KMT2D: variants seen among roughly 807,000 people sequenced by gnomAD.
KMT2D encodes histone-lysine N-methyltransferase 2D.
In KMT2D, 55 loss-of-function variants were observed where a neutral mutation model predicts 512.7. That is an observed-to-expected ratio of 0.11 (90% CI 0.09 to 0.13). KMT2D has a LOEUF of 0.13. Ranked by LOEUF, KMT2D falls within the 10% of genes least tolerant of loss-of-function variation. The pLI, the probability that KMT2D is intolerant of heterozygous loss-of-function variation, is 1.00. For synonymous variants in KMT2D, 2,995 were observed against 2,904.0 expected (o/e 1.03, Z -1.01); for missense variants, 6,061 against 7,127.9 (o/e 0.85, Z 5.39).
At chr12:49,021,993 T>G (rs935029690) in intron 54 of KMT2D, 50 bp downstream of exon 54, 1 of 1,572,784 alleles carries the variant, frequency 6.4e-7, no homozygotes, top group Non-Finnish European at 8.8e-7. Flanking sequence ...AGAGAAGGGG[T>G]GAAAGGAGGA....
At position 49,050,292 on chromosome 12, in the gene KMT2D, C is replaced by A. The variant is rs755992385; in HGVS notation, c.3296G>T (p.Gly1099Val). Reference sequence around the variant, plus strand: ...GCTGGGGGCGGGGCAGGAAAGGTCCCCCATTGGGGAAGGGAGAGGACTGGT... The same window carrying A: ...GCTGGGGGCGGGGCAGGAAAGGTCCACCATTGGGGAAGGGAGAGGACTGGT... ...SATSPLPSPM[G>V]DLSCPAPSPA... is the part of the protein sequence containing the mutation. The change falls in exon 12 of 55, where the codon GGG becomes GTG. Residue 1099 changes from glycine to valine, a missense_variant. Gly to Val is a moderately radical substitution (Grantham distance 109). Coordinates refer to ENST00000301067, the MANE Select transcript of KMT2D (RefSeq NM_003482.4). 4 of 1,611,420 alleles carry A rather than the reference C, an allele frequency of 2.5e-6. No homozygotes were observed. The highest frequency in any genetic ancestry group is 2.5e-6 in the Non-Finnish European group (3 of 1,178,764).
At chr12:49,030,248 T>G in intron 43 of KMT2D, 32 bp downstream of exon 43, 1 of 1,570,138 alleles carries the variant, frequency 6.4e-7, no homozygotes, top group South Asian at 1.2e-5. Flanking sequence ...GCTACCAAAC[T>G]CCACCAGGGG....
rs763426078 is a variant in KMT2D at position 49,037,398 on chromosome 12, C to T, written c.9958G>A (p.Ala3320Thr). 8 of 1,606,032 alleles carry T rather than the reference C, an allele frequency of 5.0e-6. No individual in the cohort carries two copies. The East Asian group carries it at 1.6e-4, about 32-fold the overall frequency. The change falls in exon 35 of 55, where the codon GCC (alanine) becomes ACC (threonine). Residue 3320 changes from alanine (A) to threonine (T), a missense_variant. By Grantham distance (58) the Ala-to-Thr change is moderately conservative. Transcript: ENST00000301067. ...QQQLSLGLAGARQPGLPQPLM... is the reference protein window; with the variant it reads ...QQQLSLGLAGTRQPGLPQPLM... ...GGCTGGGGCAAACCTGGCTGTCGGG[C>T]ACCTGCAAGACCCAGGGAAAGCTGC...
Position 49,032,882 on chromosome 12 carries a change from TTGAAGCTGCTGCTGC to T in KMT2D, c.11808_11822del (p.Leu3940_Gln3944del). 6.5e-7 allele frequency: 1 copy of T among 1,549,842 alleles called. No homozygotes were observed. Among genetic ancestry groups the T allele is most frequent in the Non-Finnish European group, 8.7e-7 (1 of 1,146,794 alleles). ...GTTGAAGCTGTTGCTGCTGCTGTTG[TTGAAGCTGCTGCTGC>T]TGTTGCTGCTGTTGAAGCTGTTGCT... On this transcript the variant is annotated inframe_deletion, in exon 40 of 55. Coordinates refer to ENST00000301067, the MANE Select transcript of KMT2D (RefSeq NM_003482.4).
intron 51 of KMT2D, among the ~76,000 whole-genome samples, chr12:49,023,288 G>A (rs1349007589): frequency 6.6e-6 from 1 of 152,218 alleles, no homozygotes; most frequent in African/African-American, 2.4e-5. Flanking sequence ...TTGCTTGAAT[G>A]TCTGAATCCT....
Position 49,042,757 on chromosome 12 carries a change from C to T in KMT2D, c.5766G>A (p.Gln1922=). 2 of 1,613,784 alleles carry T rather than the reference C, an allele frequency of 1.2e-6. No homozygotes were observed. Among genetic ancestry groups the T allele is most frequent in the Non-Finnish European group, 1.7e-6 (2 of 1,179,754 alleles). Reference sequence around the variant, plus strand: ...CTGTATTACCTTGAAGAAAGGGCCTCTGCAGTGGCGTACGGCTGCCTTCTA... The same window carrying T: ...CTGTATTACCTTGAAGAAAGGGCCTTTGCAGTGGCGTACGGCTGCCTTCTA... ...PGLEGSRTPL[Q]RPFLQGGLPL... The change falls in exon 27 of 55, where the codon CAG becomes CAA. Residue 1922 remains glutamine, a synonymous_variant. Coordinates refer to ENST00000301067, the MANE Select transcript of KMT2D (RefSeq NM_003482.4). The surrounding 1 kb of genome is among the most constrained non-coding windows in gnomAD (Gnocchi z 4.4).
Position 49,038,366 on chromosome 12 carries a change from A to C in KMT2D, c.8990T>G (p.Phe2997Cys), listed in dbSNP as rs750793606. The change falls in exon 35 of 55, where the codon TTT becomes TGT. Residue 2997 changes from phenylalanine to cysteine, a missense_variant. Coordinates refer to ENST00000301067, the MANE Select transcript of KMT2D (RefSeq NM_003482.4). The surrounding 1 kb of genome is among the most constrained non-coding windows in gnomAD (Gnocchi z 5.7). ...ATCCTCTAGGGCCTTGTGGGCATCA[A>C]AATCGTCATCCAGCTCGGGATCCTC... ...PCEDPELDDD[F>C]DAHKALEDDE... The C allele has an allele frequency of 6.2e-7, 1 of 1,613,872 alleles. No homozygotes were observed. The highest frequency in any genetic ancestry group is 1.1e-5 in the South Asian group (1 of 91,078).
chr12:49,051,185 A>C lies in KMT2D; in HGVS notation c.2498T>G (p.Leu833Arg), dbSNP rs1937967080. The part of the protein sequence containing the change: ...CLSPQPEESH[L>R]SPQSEEPCLS... ...GCATGGCTCCTCAGACTGGGGGGAC[A>C]GGTGTGATTCCTCAGGTTGGGGGGA... Residue 833 changes from leucine (L) to arginine (R), a missense_variant, in exon 11 of 55, where the codon CTG becomes CGG. Coordinates refer to ENST00000301067, the MANE Select transcript of KMT2D (RefSeq NM_003482.4). 1.3e-6 allele frequency: 2 copies of C among 1,511,112 alleles called. No homozygotes were observed. The highest frequency in any genetic ancestry group is 8.9e-7 in the Non-Finnish European group (1 of 1,125,358). 93.6% of individuals were successfully genotyped at this position (1,511,112 alleles called of 1,614,324 possible).
intron 35 of KMT2D, 130 bp downstream of exon 35, chr12:49,036,995 A>G: frequency 8.3e-7 from 1 of 1,200,052 alleles, no homozygotes; most frequent in Non-Finnish European, 1.1e-6. Flanking sequence ...TACCACTAGT[A>G]TGATATTTAG....
intron 44 of KMT2D, 43 bp downstream of exon 44, chr12:49,029,358 C>A (rs1325271275): frequency 6.4e-7 from 1 of 1,556,782 alleles, no homozygotes; most frequent in Non-Finnish European, 8.7e-7. Flanking sequence ...GCAACCTGTA[C>A]CCCACCCTTG....
In KMT2D at chr12:49,046,250, A is replaced by G. The variant is rs537765057; in HGVS notation, c.4583+10T>C. ...ACAGGGCCAAAGTGAGGAGAAAGGG[A>G]TGTTCTCACCGTTCACAGTGGCGGC... is the stretch of plus-strand genomic sequence containing the variant. On this transcript the variant is annotated intron_variant, in intron 17 of 54. Coordinates refer to ENST00000301067, the MANE Select transcript of KMT2D (RefSeq NM_003482.4). The surrounding 1 kb of genome is among the most constrained non-coding windows in gnomAD (Gnocchi z 4.2). 64 of 1,613,926 alleles carry G rather than the reference A, an allele frequency of 4.0e-5. No homozygotes were observed. The East Asian group carries it at 1.3e-3, about 32-fold the overall frequency.
rs1177636600 is a variant in KMT2D, at chr12:49,038,804, C to T, written c.8552G>A (p.Gly2851Asp). The change falls in exon 35 of 55, where the codon GGT becomes GAT. Residue 2851 changes from glycine to aspartate, a missense_variant. By Grantham distance (94) the Gly-to-Asp change is moderately conservative. Transcript: ENST00000301067. The surrounding 1 kb of genome is among the most constrained non-coding windows in gnomAD (Gnocchi z 5.7). ...GGTGGAAATTCCCGCCAACGGGGAA[C>T]CTAGGGCTTGGCGGCCAAGTTCAGG... ...PGPELGRQAL[G>D]SPLAGISTRL... 3 of 1,578,420 alleles carry T rather than the reference C, an allele frequency of 1.9e-6. No homozygotes were observed. The highest frequency in any genetic ancestry group is 2.6e-6 in the Non-Finnish European group (3 of 1,161,840).
At chr12:49,023,710 C>T (rs1000171826) in intron 51 of KMT2D, among the ~76,000 whole-genome samples, 7 of 152,130 alleles carry the variant, frequency 4.6e-5, no homozygotes, top group African/African-American at 1.7e-4. Flanking sequence ...AAAAGTTCAA[C>T]CCATCAGTTT....
At position 49,032,939 on chromosome 12, in the gene KMT2D, CTGTTGT is replaced by C; in HGVS notation, c.11760_11765del (p.Gln3924_Gln3925del). 3 of 1,550,498 alleles carry C rather than the reference CTGTTGT, an allele frequency of 1.9e-6. No homozygotes were observed. Among genetic ancestry groups the C allele is most frequent in the Non-Finnish European group, 2.6e-6 (3 of 1,146,868 alleles). On this transcript the variant is annotated inframe_deletion, in exon 40 of 55. Coordinates refer to ENST00000301067, the MANE Select transcript of KMT2D (RefSeq NM_003482.4). ...GCTGTTGCTGCTGAAGTTGCTGTTG[CTGTTGT>C]AGCTGCTGCTGCTGCTGCTGCTGAA...
chr12:49,024,128 T>C lies in KMT2D; in HGVS notation c.16052+450A>G, dbSNP rs761744112. The C allele has an allele frequency of 2.7e-5, 12 of 450,574 alleles. No individual in the cohort carries two copies. The highest frequency in any genetic ancestry group is 1.9e-4 in the South Asian group (12 of 62,566). The allele number at this position is 450,574 out of a possible 1,614,324, so 27.9% of individuals were successfully genotyped here. On this transcript the variant is annotated intron_variant, in intron 51 of 54. Transcript: ENST00000301067. The surrounding 1 kb of genome is among the most constrained non-coding windows in gnomAD (Gnocchi z 4.5). ...TTGAAAAAAAAAGTATAAAGTGCTA[T>C]ACAAATGTAAGGTTTTATTATTTTT... is the stretch of plus-strand genomic sequence containing the variant.
Position 49,038,355 on chromosome 12 carries a change from T to C in KMT2D, c.9001A>G (p.Lys3001Glu). The C allele has an allele frequency of 1.2e-6, 2 of 1,613,844 alleles. No individual in the cohort carries two copies. Among genetic ancestry groups the C allele is most frequent in the Non-Finnish European group, 1.7e-6 (2 of 1,179,880 alleles). The change falls in exon 35 of 55, where the codon AAG (lysine) becomes GAG (glutamate). Residue 3001 changes from lysine to glutamate, a missense_variant. Coordinates refer to ENST00000301067, the MANE Select transcript of KMT2D (RefSeq NM_003482.4). The surrounding 1 kb of genome is among the most constrained non-coding windows in gnomAD (Gnocchi z 5.7). ...AGCTCTTCATCATCCTCTAGGGCCT[T>C]GTGGGCATCAAAATCGTCATCCAGC... is the stretch of plus-strand genomic sequence containing the variant. ...PELDDDFDAHKALEDDEELAH... is the reference protein window; with the variant it reads ...PELDDDFDAHEALEDDEELAH...
rs1208921969 is a variant in KMT2D, at chr12:49,057,593, A to C, written c.-38+2020T>G. Among the ~76,000 whole-genome samples the C allele has an allele frequency of 2.0e-5, 3 of 152,326 alleles. 1 individual carries two copies. The highest frequency in any genetic ancestry group is 3.9e-4 in the East Asian group (2 of 5,180). ...AAGAGAAGAATGTCATACAACTTGT[A>C]CCAAAAATAATCTAGGGGGCACCTC... is the stretch of plus-strand genomic sequence containing the variant. On this transcript the variant is annotated intron_variant, in intron 1 of 54. Coordinates refer to ENST00000301067, the MANE Select transcript of KMT2D (RefSeq NM_003482.4).
Position 49,039,518 on chromosome 12 carries a change from GC to G in KMT2D, c.8145del (p.Pro2716LeufsTer17). On this transcript the variant is annotated frameshift_variant, in exon 33 of 55. Transcript: ENST00000301067. LOFTEE classifies it high-confidence loss of function. This position sits in a 1 kb window ranked among gnomAD's most constrained non-coding sequence, Gnocchi z 5.0. ...GGCTCAGCACCCCAGCTGCCTGGAG[GC>G]CCCACTGCTCCTGCAGCTGCTGCAG... ...ETAAAAAGAV[G>X]PPGSWGAEPS... 1 of 1,612,254 alleles carries G rather than the reference GC, an allele frequency of 6.2e-7. No homozygotes were observed. Among genetic ancestry groups the G allele is most frequent in the Non-Finnish European group, 8.5e-7 (1 of 1,179,340 alleles).
intron 54 of KMT2D, 54 bp downstream of exon 54, chr12:49,021,989 G>C (rs1942349479): frequency 6.4e-7 from 1 of 1,562,572 alleles, no homozygotes; most frequent in South Asian, 1.1e-5. Flanking sequence ...TGGCAGAGAA[G>C]GGGTGAAAGG....
Sources: allele counts gnomAD v4.1 joint callset (sites outside exome capture counted in the v4.1 genomes callset), GRCh38; gene constraint gnomAD v4.1.1; non-coding constraint Gnocchi (gnomAD v3.1); transcripts MANE v1.5; gene names NCBI Gene and HGNC (gene_info 2026-07-23, HGNC 2026-07-21).